The following RIMBP2 variants were observed in gnomAD, a reference collection of about 807,000 sequenced individuals.
The protein encoded by RIMBP2 is RIMS binding protein 2, also known as RIMS-binding protein 2.
RIMBP2 carries 48 observed loss-of-function variants against 118.6 expected under a neutral mutation model. That is an observed-to-expected ratio of 0.40 (90% confidence interval 0.32 to 0.51). The LOEUF (loss-of-function observed/expected upper bound fraction) is 0.51. RIMBP2 is among the 20% of genes least tolerant of loss of function. The pLI, the probability that RIMBP2 is intolerant of heterozygous loss-of-function variation, is 0.41. For missense variants in RIMBP2, 1,551 were observed against 1,768.3 expected, an observed-to-expected ratio of 0.88 and a Z score of 2.20; for synonymous variants, 762 against 742.9, an observed-to-expected ratio of 1.03 and a Z score of -0.42.
In RIMBP2 at chr12:130,640,001, C is replaced by G. The variant is rs149441136; in HGVS notation, c.-351-11545G>C. ...CGTTTCTGTTCCAGGAAGTCTAACC[C>G]TGTGGGGACCTGGCTAGCTTTCTAG... On this transcript the variant is annotated intron_variant, in intron 1 of 22. Transcript: ENST00000690449. Among the ~76,000 whole-genome samples the G allele has an allele frequency of 1.8e-3, 270 of 152,306 alleles. 2 individuals are homozygous for G. Among genetic ancestry groups the G allele is most frequent in the East Asian group, 0.014 (74 of 5,174 alleles).
At chr12:130,414,018 C>G in intron 18 of RIMBP2, 107 bp downstream of exon 18, 2 of 1,216,568 alleles carry the variant, frequency 1.6e-6, no homozygotes, top group Non-Finnish European at 2.4e-6. Context: ...CCATGGCCTG[C>G]AGGAGAAGGC....
chr12:130,399,112 T>TA, intron 22 of RIMBP2: 1 of 1,383,928 alleles, frequency 7.2e-7, no homozygotes, highest in East Asian at 2.7e-5. Flanking sequence ...GTTGCTCACT[T>TA]ACGTGAAGGC....
intron 1 of RIMBP2, among the ~76,000 whole-genome samples, chr12:130,632,709 G>A (rs771120726): frequency 6.6e-6 from 1 of 152,188 alleles, no homozygotes; most frequent in Non-Finnish European, 1.5e-5. Flanking sequence ...GGTTACATGT[G>A]AAGTATGTTA....
In RIMBP2 at chr12:130,620,256, C is replaced by T. The variant is rs902569534; in HGVS notation, c.-217+8066G>A. ...TGAATTTAAATCTTGAGCAGAGGGA[C>T]CCAAGGACAAAAAAAAGAACCAGCA... On this transcript the variant is annotated intron_variant, in intron 2 of 22. Coordinates refer to ENST00000690449, the MANE Select transcript of RIMBP2 (RefSeq NM_001393629.1). This position sits in a 1 kb window ranked among gnomAD's most constrained non-coding sequence, Gnocchi z 5.3. Among the ~76,000 whole-genome samples, 3 of 152,102 alleles carry T rather than the reference C, an allele frequency of 2.0e-5. No homozygotes were observed. The highest frequency in any genetic ancestry group is 4.4e-5 in the Non-Finnish European group (3 of 68,002).
chr12:130,548,144 G>A (rs1440250084), intron 2 of RIMBP2, among the ~76,000 whole-genome samples: 3 of 151,012 alleles, frequency 2.0e-5, no homozygotes, highest in South Asian at 2.1e-4. Context: ...AGAAGCCCAC[G>A]ACGGAAGACA....
chr12:130,551,349 C>G (rs753589636), intron 2 of RIMBP2, among the ~76,000 whole-genome samples: 19 of 152,126 alleles, frequency 1.2e-4, no homozygotes, highest in Admixed American at 2.6e-4. Flanking sequence ...CCTAGAAACC[C>G]AGAGACTGTT....
Position 130,399,688 on chromosome 12 carries a change from C to G in RIMBP2, c.3891G>C (p.Lys1297Asn). 1 of 1,611,216 alleles carries G rather than the reference C, an allele frequency of 6.2e-7. No homozygotes were observed. The highest frequency in any genetic ancestry group is 8.5e-7 in the Non-Finnish European group (1 of 1,179,146). The change falls in exon 22 of 23, where the codon AAG becomes AAC. Residue 1297 changes from lysine (K) to asparagine (N), a missense_variant. Lys to Asn is a moderately conservative substitution (Grantham distance 94). Around this residue, in one of 5 missense-constraint regions of RIMBP2, gnomAD observed 1,038 missense variants for 1,125.1 expected, o/e 0.92. Transcript: ENST00000690449. ...AAATAGGTTTGCTTACCCTTTTTGC[C>G]TTTGAGCGCATTGGCGTATCTTGAG... ...HYSQDTPMRSKAKRVPPEGSG... is the reference protein window; with the variant it reads ...HYSQDTPMRSNAKRVPPEGSG...
intron 15 of RIMBP2, 163 bp downstream of exon 15, chr12:130,428,016 C>T (rs2076908570): frequency 3.1e-6 from 2 of 636,970 alleles, no homozygotes; most frequent in East Asian, 3.2e-5. Flanking sequence ...TAGGTAATTC[C>T]CAAATGCAGA....
intron 2 of RIMBP2, among the ~76,000 whole-genome samples, chr12:130,530,793 C>T (rs747980077): frequency 1.4e-4 from 22 of 152,326 alleles, no homozygotes; most frequent in Non-Finnish European, 3.1e-4. Context: ...TGTCTTCTCA[C>T]CTTCTCCTTC....
chr12:130,474,464 AGTCC>A (rs1485342583), intron 5 of RIMBP2, among the ~76,000 whole-genome samples: 5 of 152,184 alleles, frequency 3.3e-5, no homozygotes, highest in African/African-American at 1.2e-4. Context: ...ATGTCCTACG[AGTCC>A]GACGCGCCTT....
rs1240318031 is a variant in RIMBP2, at chr12:130,525,763, C to T, written c.-216-7846G>A. Reference sequence around the variant, plus strand: ...AGCTTTGATCCCCTGGGCTTCTACGCTGGGCCAAGAACCAACATAAGCTCT... The same window carrying T: ...AGCTTTGATCCCCTGGGCTTCTACGTTGGGCCAAGAACCAACATAAGCTCT... On this transcript the variant is annotated intron_variant, in intron 2 of 22. Transcript: ENST00000690449. The surrounding 1 kb of genome is among the most constrained non-coding windows in gnomAD (Gnocchi z 4.4). 6.6e-6 allele frequency among the ~76,000 whole-genome samples: 1 copy of T among 152,154 alleles called. No individual in the cohort carries two copies. Among genetic ancestry groups the T allele is most frequent in the Non-Finnish European group, 1.5e-5 (1 of 68,026 alleles).
At chr12:130,490,060 G>C (rs1393898060) in intron 4 of RIMBP2, among the ~76,000 whole-genome samples, 6 of 147,458 alleles carry the variant, frequency 4.1e-5, no homozygotes, top group African/African-American at 1.5e-4. Flanking sequence ...GGAGGCGGAG[G>C]TTGCAGTGAG....
At chr12:130,642,860 C>T (rs566192997) in intron 1 of RIMBP2, among the ~76,000 whole-genome samples, 5 of 152,300 alleles carry the variant, frequency 3.3e-5, no homozygotes, top group East Asian at 1.9e-4. Context: ...TGGCTCTGAA[C>T]GGGTCACGTG....
At chr12:130,560,723 G>C (rs534964114) in intron 2 of RIMBP2, among the ~76,000 whole-genome samples, 1 of 152,182 alleles carries the variant, frequency 6.6e-6, no homozygotes, top group Non-Finnish European at 1.5e-5. Flanking sequence ...TCAAAGTAAC[G>C]TTCAACAGGC....
rs976462754 is a variant in RIMBP2 at position 130,622,108 on chromosome 12, A to T, written c.-217+6214T>A. Among the ~76,000 whole-genome samples, 1 of 152,210 alleles carries T rather than the reference A, an allele frequency of 6.6e-6. No homozygotes were observed. The highest frequency in any genetic ancestry group is 1.5e-5 in the Non-Finnish European group (1 of 68,038). ...CATTTTAACTAGACATTTCCGCACA[A>T]ATAAAATTAGGCCGAGACAGTTAGT... On this transcript the variant is annotated intron_variant, in intron 2 of 22. Coordinates refer to ENST00000690449, the MANE Select transcript of RIMBP2 (RefSeq NM_001393629.1). The surrounding 1 kb of genome is among the most constrained non-coding windows in gnomAD (Gnocchi z 8.5).
intron 1 of RIMBP2, among the ~76,000 whole-genome samples, chr12:130,711,095 T>C (rs1163891863): frequency 6.6e-6 from 1 of 152,092 alleles, no homozygotes; most frequent in Non-Finnish European, 1.5e-5. Context: ...ATACAAAACT[T>C]AGCCGGGCGT....
rs549525996 is a variant in RIMBP2, at chr12:130,504,725, G to A, written c.-4+1923C>T. On this transcript the variant is annotated intron_variant, in intron 4 of 22. Transcript: ENST00000690449. ...CTGTGGGATCACTTGCTACAGCAGC[G>A]ATAAGAAACAGACACACGGTTTCTG... 4.3e-4 allele frequency among the ~76,000 whole-genome samples: 65 copies of A among 152,086 alleles called. 1 individual carries two copies. The East Asian group carries it at 6.4e-3, about 15-fold the overall frequency.
intron 2 of RIMBP2, among the ~76,000 whole-genome samples, chr12:130,609,187 C>T (rs532865367): frequency 3.9e-5 from 6 of 152,210 alleles, no homozygotes; most frequent in Admixed American, 1.3e-4. Context: ...CTGAGTCTGT[C>T]GCAAAGCTGT....
chr12:130,646,430 T>TCCCTCA (rs2062968540), intron 1 of RIMBP2, among the ~76,000 whole-genome samples: 1 of 5,984 alleles, frequency 1.7e-4, no homozygotes, highest in Non-Finnish European at 3.0e-4. Context: ...CACTTCCCTC[T>TCCCTCA]CCACCTCCCT....
Sources: allele counts gnomAD v4.1 joint callset (sites outside exome capture counted in the v4.1 genomes callset), GRCh38; gene constraint gnomAD v4.1.1; regional missense constraint gnomAD v4.1.1; non-coding constraint Gnocchi (gnomAD v3.1); transcripts MANE v1.5; gene names NCBI Gene and HGNC (gene_info 2026-07-23, HGNC 2026-07-21).